HTR1E: variants seen among roughly 807,000 people sequenced by gnomAD.
HTR1E encodes 5-hydroxytryptamine receptor 1E.
HTR1E carries 3 observed loss-of-function variants against 3.4 expected under a neutral mutation model. The observed-to-expected ratio is 0.89, with a 90% CI of 0.41 to 2.31. The LOEUF is 2.31. Ranked by LOEUF, HTR1E falls within the 30% of genes most tolerant of loss-of-function variation. The pLI, the probability that HTR1E is intolerant of heterozygous loss-of-function variation, is 0.05. For missense variants in HTR1E, 392 were observed against 467.0 expected, an observed-to-expected ratio of 0.84 and a Z score of 1.48; for synonymous variants, 170 against 182.8, an observed-to-expected ratio of 0.93 and a Z score of 0.56.
intron 1 of HTR1E, among the ~76,000 whole-genome samples, chr6:86,952,708 T>G (rs908407272): frequency 2.6e-5 from 4 of 152,196 alleles, no homozygotes; most frequent in Non-Finnish European, 5.9e-5. Context: ...CCCAGAATAG[T>G]CCATCTTTTC....
intron 1 of HTR1E, among the ~76,000 whole-genome samples, chr6:86,956,718 T>C (rs1048989274): frequency 2.6e-5 from 4 of 152,088 alleles, no homozygotes; most frequent in African/African-American, 9.7e-5. Context: ...ACTTCTAAAT[T>C]GATTGAGAAA....
rs544582135 is a variant in HTR1E, at chr6:86,952,916, G to C, written c.-186+15093G>C. ...CCAGAGAATATATTGCATCCTGCAAGACAAGGATTGCAAGAAAGGTGAAGA... is the reference window on the plus strand; with the variant it reads ...CCAGAGAATATATTGCATCCTGCAACACAAGGATTGCAAGAAAGGTGAAGA... On this transcript the variant is annotated intron_variant, in intron 1 of 1. Transcript: ENST00000305344. 4.0e-4 allele frequency among the ~76,000 whole-genome samples: 61 copies of C among 152,320 alleles called. No homozygotes were observed. The South Asian group carries it at 0.012, about 31-fold the overall frequency.
At chr6:87,012,965 G>A (rs1022299629) in intron 1 of HTR1E, among the ~76,000 whole-genome samples, 1 of 152,142 alleles carries the variant, frequency 6.6e-6, no homozygotes, top group East Asian at 1.9e-4. Flanking sequence ...ACACTTTTTA[G>A]GTTAAAGTAA....
At chr6:86,960,037 G>A (rs1461102240) in intron 1 of HTR1E, among the ~76,000 whole-genome samples, 1 of 152,164 alleles carries the variant, frequency 6.6e-6, no homozygotes, top group Non-Finnish European at 1.5e-5. Context: ...GAGGCACACT[G>A]GGAAAGTTAT....
intron 1 of HTR1E, among the ~76,000 whole-genome samples, chr6:86,998,900 T>C (rs1450126608): frequency 2.0e-5 from 3 of 152,152 alleles, no homozygotes; most frequent in African/African-American, 7.2e-5. Context: ...ATAGATAGTA[T>C]AGGCTAAAAG....
intron 1 of HTR1E, among the ~76,000 whole-genome samples, chr6:87,003,289 G>C (rs1222278628): frequency 6.6e-6 from 1 of 152,172 alleles, no homozygotes; most frequent in Non-Finnish European, 1.5e-5. Context: ...TGTAATTCTA[G>C]CACTTTGGGA....
chr6:86,993,678 G>C (rs1207445908), intron 1 of HTR1E, among the ~76,000 whole-genome samples: 1 of 151,964 alleles, frequency 6.6e-6, no homozygotes, highest in Non-Finnish European at 1.5e-5. Context: ...TCTCTCCCTG[G>C]AGCAACGTCA....
chr6:86,956,591 G>A lies in HTR1E; in HGVS notation c.-186+18768G>A, dbSNP rs80225743. On this transcript the variant is annotated intron_variant, in intron 1 of 1. Coordinates refer to ENST00000305344, the MANE Select transcript of HTR1E (RefSeq NM_000865.3). ...TATATGTATCAATTGATGTCTGCTT[G>A]TAACTTCTGACCCCCTAAAATGTAT... Among the ~76,000 whole-genome samples the A allele has an allele frequency of 7.5e-3, 1,144 of 152,204 alleles. 9 individuals are homozygous for A. The highest frequency in any genetic ancestry group is 0.012 in the Non-Finnish European group (799 of 68,022).
At chr6:86,983,061 CTCT>C (rs1464465953) in intron 1 of HTR1E, among the ~76,000 whole-genome samples, 2 of 152,158 alleles carry the variant, frequency 1.3e-5, no homozygotes, top group Non-Finnish European at 2.9e-5. Context: ...GTAAATTTAT[CTCT>C]TGTTTTCTAT....
At chr6:87,004,769 A>G (rs964963775) in intron 1 of HTR1E, among the ~76,000 whole-genome samples, 3 of 152,148 alleles carry the variant, frequency 2.0e-5, no homozygotes, top group African/African-American at 7.2e-5. Flanking sequence ...AAAGAAAGAA[A>G]GGGCACTCAA....
chr6:87,008,044 T>TATCC (rs1161297463), intron 1 of HTR1E, among the ~76,000 whole-genome samples: 1 of 152,250 alleles, frequency 6.6e-6, no homozygotes, highest in African/African-American at 2.4e-5. Flanking sequence ...AAAAGACTTG[T>TATCC]ATCCAGAGTA....
At chr6:87,002,293 G>T (rs559426752) in intron 1 of HTR1E, among the ~76,000 whole-genome samples, 1 of 152,212 alleles carries the variant, frequency 6.6e-6, no homozygotes, top group African/African-American at 2.4e-5. Context: ...CTTCAGGAGC[G>T]AAGCCATGGA....
At chr6:86,969,307 G>A (rs1302845380) in intron 1 of HTR1E, among the ~76,000 whole-genome samples, 2 of 152,106 alleles carry the variant, frequency 1.3e-5, no homozygotes, top group Non-Finnish European at 2.9e-5. Context: ...TAAAATGTCA[G>A]AGAAAAAGTA....
At chr6:86,957,958 A>T (rs780364504) in intron 1 of HTR1E, among the ~76,000 whole-genome samples, 3 of 151,976 alleles carry the variant, frequency 2.0e-5, no homozygotes, top group Non-Finnish European at 2.9e-5. Context: ...TAATAGTAAA[A>T]TTTTTTAAAC....
At chr6:86,998,817 A>G (rs974952561) in intron 1 of HTR1E, among the ~76,000 whole-genome samples, 1 of 152,208 alleles carries the variant, frequency 6.6e-6, no homozygotes, top group Non-Finnish European at 1.5e-5. Context: ...AAAAATTATT[A>G]CTTAGACTGA....
intron 1 of HTR1E, among the ~76,000 whole-genome samples, chr6:86,991,032 T>G (rs950825980): frequency 6.6e-6 from 1 of 152,176 alleles, no homozygotes. Context: ...TGAGAAGGGC[T>G]TGACTTCTGA....
At chr6:86,980,287 T>C (rs1767693261) in intron 1 of HTR1E, among the ~76,000 whole-genome samples, 1 of 150,340 alleles carries the variant, frequency 6.7e-6, no homozygotes, top group South Asian at 2.1e-4. Flanking sequence ...CTCGGGAGGC[T>C]GAGGCAGGAG....
intron 1 of HTR1E, among the ~76,000 whole-genome samples, chr6:86,940,372 C>CA (rs1768530156): frequency 6.6e-6 from 1 of 152,034 alleles, no homozygotes. Context: ...CTCATCTCTA[C>CA]AAAAAAATTT....
At chr6:86,951,696 T>C (rs900467920) in intron 1 of HTR1E, among the ~76,000 whole-genome samples, 4 of 152,174 alleles carry the variant, frequency 2.6e-5, no homozygotes, top group Non-Finnish European at 5.9e-5. Context: ...GAATTACAGA[T>C]TTATGAAGGA....
Sources: gnomAD v4.1 joint callset for allele counts (sites outside exome capture counted in the v4.1 genomes callset) on GRCh38, gnomAD v4.1.1 for gene constraint, MANE v1.5 for transcripts, NCBI Gene and HGNC (gene_info 2026-07-23, HGNC 2026-07-21) for gene names.